The following C13orf42 variants were observed in gnomAD, a reference collection of about 807,000 sequenced individuals.
C13orf42 encodes the protein uncharacterized protein C13orf42.
At chr13:51,107,564 T>TGGAG (rs1231466399) in intron 1 of C13orf42, among the ~76,000 whole-genome samples, 1 of 152,100 alleles carries the variant, frequency 6.6e-6, no homozygotes, top group Non-Finnish European at 1.5e-5. Context: ...TGCATCCGGA[T>TGGAG]GGAGGGAGGG....
intron 1 of C13orf42, among the ~76,000 whole-genome samples, chr13:51,165,940 G>C (rs866869703): frequency 6.6e-6 from 1 of 152,274 alleles, no homozygotes; most frequent in Middle Eastern, 3.4e-3. Flanking sequence ...CATTAAACAA[G>C]TACCAAGAGC....
At chr13:51,109,406 C>G (rs935047827) in intron 1 of C13orf42, among the ~76,000 whole-genome samples, 1 of 152,132 alleles carries the variant, frequency 6.6e-6, no homozygotes, top group Non-Finnish European at 1.5e-5. Flanking sequence ...AGGAAAATGA[C>G]TGATGGAAGT....
Position 51,149,659 on chromosome 13 carries a change from C to T in C13orf42, n.136+22594G>A, listed in dbSNP as rs534129957. Among the ~76,000 whole-genome samples, 58 of 152,282 alleles carry T rather than the reference C, an allele frequency of 3.8e-4. 2 individuals carry two copies. In the South Asian group the frequency reaches 0.01, roughly 27 times the overall value. ...CACAAGAGAGGTAGCACAAGGTAGA[C>T]GCATAGTGAAGCCACTATGAGCCAA... is the stretch of plus-strand genomic sequence containing the variant. On this transcript the variant is annotated intron_variant and non_coding_transcript_variant, in intron 1 of 4. Coordinates refer to the C13orf42 transcript ENST00000433280.
chr13:51,157,103 C>T (rs1172906115), intron 1 of C13orf42, among the ~76,000 whole-genome samples: 2 of 152,196 alleles, frequency 1.3e-5, no homozygotes, highest in African/African-American at 2.4e-5. Flanking sequence ...TAGAACACTT[C>T]CAGCACCCCA....
intron 1 of C13orf42, among the ~76,000 whole-genome samples, chr13:51,141,174 G>A (rs1013741607): frequency 2.7e-5 from 4 of 146,164 alleles, no homozygotes; most frequent in Admixed American, 6.9e-5. Context: ...TTTGTATTTT[G>A]GGGGGATTTT....
At chr13:51,144,372 C>T (rs956880620) in intron 1 of C13orf42, among the ~76,000 whole-genome samples, 5 of 152,162 alleles carry the variant, frequency 3.3e-5, no homozygotes, top group African/African-American at 1.2e-4. Flanking sequence ...CAGCTTTTAA[C>T]AATTTAGTGT....
chr13:51,152,356 TA>T (rs1307486711), intron 1 of C13orf42, among the ~76,000 whole-genome samples: 1 of 152,348 alleles, frequency 6.6e-6, no homozygotes, highest in Middle Eastern at 3.4e-3. Context: ...TCCATTTATT[TA>T]TTTTTTAAGA....
chr13:51,084,970 C>A (rs1332720046), intron 3 of C13orf42, among the ~76,000 whole-genome samples: 2 of 152,004 alleles, frequency 1.3e-5, no homozygotes, highest in Non-Finnish European at 2.9e-5. Flanking sequence ...CTCTGTTGAA[C>A]CTCAAACTCA....
At chr13:51,147,913 A>G (rs1953750917) in intron 1 of C13orf42, among the ~76,000 whole-genome samples, 1 of 151,934 alleles carries the variant, frequency 6.6e-6, no homozygotes, top group Non-Finnish European at 1.5e-5. Context: ...TGATTCTCAC[A>G]TATGGAGAGG....
intron 1 of C13orf42, among the ~76,000 whole-genome samples, chr13:51,131,080 C>T (rs1465131315): frequency 1.3e-5 from 2 of 152,090 alleles, no homozygotes; most frequent in Admixed American, 6.6e-5. Flanking sequence ...TTGAAGTAAT[C>T]TTTTTTGACT....
chr13:51,163,021 C>A (rs921953460), intron 1 of C13orf42, among the ~76,000 whole-genome samples: 10 of 152,218 alleles, frequency 6.6e-5, no homozygotes, highest in African/African-American at 2.4e-4. Context: ...CTCCTTCACA[C>A]TTCCTTTCTC....
At chr13:51,100,621 G>T (rs1291792596) in intron 1 of C13orf42, among the ~76,000 whole-genome samples, 1 of 152,112 alleles carries the variant, frequency 6.6e-6, no homozygotes, top group Non-Finnish European at 1.5e-5. Context: ...TTAAGATACT[G>T]CAATTTATCT....
At chr13:51,118,342 C>T (rs1197176018) in intron 1 of C13orf42, among the ~76,000 whole-genome samples, 1 of 152,226 alleles carries the variant, frequency 6.6e-6, no homozygotes, top group Non-Finnish European at 1.5e-5. Flanking sequence ...CTGACTGCCT[C>T]CTCCACAACA....
At chr13:51,138,355 T>G (rs1953672484) in intron 1 of C13orf42, among the ~76,000 whole-genome samples, 1 of 152,058 alleles carries the variant, frequency 6.6e-6, no homozygotes, top group African/African-American at 2.4e-5. Context: ...TTCTTACAAC[T>G]CAATAGCCAA....
At chr13:51,151,459 G>C (rs1478042617) in intron 1 of C13orf42, among the ~76,000 whole-genome samples, 1 of 152,140 alleles carries the variant, frequency 6.6e-6, no homozygotes, top group Non-Finnish European at 1.5e-5. Context: ...GAACCCTGCG[G>C]ACACCTTGAT....
intron 1 of C13orf42, among the ~76,000 whole-genome samples, chr13:51,092,652 TATC>T (rs1953192009): frequency 6.6e-6 from 1 of 152,060 alleles, no homozygotes; most frequent in South Asian, 2.1e-4. Context: ...ATTCATATAT[TATC>T]ATATTTAATT....
intron 1 of C13orf42, among the ~76,000 whole-genome samples, chr13:51,166,817 G>A (rs1447300617): frequency 6.6e-6 from 1 of 152,092 alleles, no homozygotes; most frequent in Admixed American, 6.5e-5. Flanking sequence ...AGTGGTTCAC[G>A]CCTGTAATCC....
chr13:51,099,644 G>C (rs1410373636), intron 1 of C13orf42, among the ~76,000 whole-genome samples: 1 of 152,070 alleles, frequency 6.6e-6, no homozygotes, highest in Non-Finnish European at 1.5e-5. Context: ...GTTTGTTTTT[G>C]TTTGTTTAGA....
chr13:51,146,810 C>T (rs1333367881), intron 1 of C13orf42, among the ~76,000 whole-genome samples: 1 of 152,224 alleles, frequency 6.6e-6, no homozygotes, highest in African/African-American at 2.4e-5. Context: ...CAGTTCCCAG[C>T]TTGACTTTTC....
Sources: gnomAD v4.1 joint callset for allele counts (sites outside exome capture counted in the v4.1 genomes callset) on GRCh38, gnomAD v4.1.1 for gene constraint, MANE v1.5 for transcripts, NCBI Gene and HGNC (gene_info 2026-07-23, HGNC 2026-07-21) for gene names.